Variants in PRKG1 observed in about 807,000 individuals in gnomAD.
PRKG1 encodes the protein protein kinase cGMP-dependent 1.
A neutral mutation model predicts 88.1 loss-of-function variants in PRKG1; 35 were observed. That is an observed-to-expected ratio of 0.40 (90% confidence interval 0.30 to 0.53). PRKG1 has a LOEUF of 0.53. PRKG1 is among the 20% of genes least tolerant of loss of function. The pLI is 0.59. For synonymous variants in PRKG1, 303 were observed against 292.5 expected (o/e 1.04, Z -0.37); for missense variants, 540 against 839.8 (o/e 0.64, Z 4.41).
intron 2 of PRKG1, among the ~76,000 whole-genome samples, chr10:51,387,302 T>G (rs1312791577): frequency 6.7e-6 from 1 of 149,374 alleles, no homozygotes; most frequent in East Asian, 1.9e-4. Flanking sequence ...GTTATATATT[T>G]TATATATATA....
chr10:51,610,503 C>CTA (rs1838879047), intron 3 of PRKG1, among the ~76,000 whole-genome samples: 1 of 152,058 alleles, frequency 6.6e-6, no homozygotes, highest in African/African-American at 2.4e-5. Flanking sequence ...ATTTCATTGT[C>CTA]TATATATATC....
intron 3 of PRKG1, among the ~76,000 whole-genome samples, chr10:51,474,153 C>T (rs61849779): frequency 0.18 from 27,986 of 151,818 alleles, 2,716 homozygotes; most frequent in Middle Eastern, 0.26. Flanking sequence ...TTGTTACCCC[C>T]ATTTTATTGC....
chr10:51,095,387 C>T (rs868350478), intron 1 of PRKG1, among the ~76,000 whole-genome samples: 2 of 152,070 alleles, frequency 1.3e-5, no homozygotes, highest in Admixed American at 6.6e-5. Flanking sequence ...AATACCTAAA[C>T]GCTGGTAATG....
Position 51,859,357 on chromosome 10 carries a change from T to C in PRKG1, c.699-48150T>C, listed in dbSNP as rs190894789. Among the ~76,000 whole-genome samples, 4 of 151,474 alleles carry C rather than the reference T, an allele frequency of 2.6e-5. No individual in the cohort carries two copies. The East Asian group carries it at 5.8e-4, about 22-fold the overall frequency. On this transcript the variant is annotated intron_variant, in intron 4 of 17. Coordinates refer to ENST00000373980, the MANE Select transcript of PRKG1 (RefSeq NM_006258.4). ...GCACCTTAAGCCTTTTTCTTTCTTT[T>C]TTTTTTTTTCTTCATGTGAAGAGAG...
At chr10:51,077,875 A>C (rs921692971) in intron 1 of PRKG1, among the ~76,000 whole-genome samples, 3 of 152,252 alleles carry the variant, frequency 2.0e-5, no homozygotes, top group Admixed American at 6.5e-5. Flanking sequence ...CTGAGCAAAT[A>C]AACCCTTAAA....
At chr10:51,156,534 G>A (rs1564620985) in intron 2 of PRKG1, among the ~76,000 whole-genome samples, 2 of 151,884 alleles carry the variant, frequency 1.3e-5, no homozygotes, top group Admixed American at 6.6e-5. Context: ...CAGAGTCACA[G>A]CTTTTGCAAT....
chr10:51,936,270 C>T (rs1842798354), intron 5 of PRKG1, among the ~76,000 whole-genome samples: 1 of 151,840 alleles, frequency 6.6e-6, no homozygotes, highest in Admixed American at 6.6e-5. Flanking sequence ...ATTATGAATC[C>T]TTAATTTTAT....
chr10:52,202,727 G>T (rs1490302209), intron 9 of PRKG1, among the ~76,000 whole-genome samples: 1 of 151,952 alleles, frequency 6.6e-6, no homozygotes, highest in Non-Finnish European at 1.5e-5. Flanking sequence ...CCTGTTTAGG[G>T]TTTCGGTATC....
chr10:52,127,879 A>AT (rs2132623975), intron 7 of PRKG1, among the ~76,000 whole-genome samples: 1 of 152,306 alleles, frequency 6.6e-6, no homozygotes, highest in South Asian at 2.1e-4. Flanking sequence ...GGAATTAGTG[A>AT]TTGACCTGAT....
chr10:51,602,725 AATAT>A (rs140820105), intron 3 of PRKG1, among the ~76,000 whole-genome samples: 3 of 59,862 alleles, frequency 5.0e-5, no homozygotes, highest in Admixed American at 2.0e-4. Context: ...GGCTTTGATT[AATAT>A]ATATGTGTGT....
intron 3 of PRKG1, among the ~76,000 whole-genome samples, chr10:51,525,082 T>C (rs1841842359): frequency 6.6e-6 from 1 of 150,804 alleles, no homozygotes; most frequent in African/African-American, 2.4e-5. Context: ...ATAAAGCACA[T>C]CACACAAAGG....
chr10:51,619,463 G>T (rs1484064031), intron 3 of PRKG1, among the ~76,000 whole-genome samples: 3 of 152,132 alleles, frequency 2.0e-5, no homozygotes, highest in Non-Finnish European at 4.4e-5. Flanking sequence ...TGTTTTGAAG[G>T]TTCTCTGCCA....
chr10:51,064,407 T>G (rs931899271), intron 1 of PRKG1, among the ~76,000 whole-genome samples: 13 of 152,100 alleles, frequency 8.5e-5, no homozygotes, highest in Non-Finnish European at 1.2e-4. Context: ...AATCAGAAAC[T>G]TAGATTTCTG....
chr10:51,589,476 T>C (rs1838254208), intron 3 of PRKG1, among the ~76,000 whole-genome samples: 1 of 151,990 alleles, frequency 6.6e-6, no homozygotes. Flanking sequence ...ATACAAAAAT[T>C]AGCTGGGTGT....
chr10:51,321,970 A>G (rs1053872182), intron 2 of PRKG1, among the ~76,000 whole-genome samples: 1 of 152,218 alleles, frequency 6.6e-6, no homozygotes, highest in Non-Finnish European at 1.5e-5. Flanking sequence ...CTTGCATCAC[A>G]TTAAATTCTG....
intron 3 of PRKG1, among the ~76,000 whole-genome samples, chr10:51,714,034 C>CAGTG (rs1841824966): frequency 6.6e-6 from 1 of 152,142 alleles, no homozygotes; most frequent in Admixed American, 6.5e-5. Context: ...GACTGGAGTG[C>CAGTG]AGTGGCATGA....
chr10:51,689,239 A>AATATCTATCTATCTAT (rs56858290), intron 3 of PRKG1, among the ~76,000 whole-genome samples: 6 of 150,220 alleles, frequency 4.0e-5, no homozygotes, highest in African/African-American at 1.5e-4. Flanking sequence ...AAATCTATCT[A>AATATCTATCTATCTAT]CTATCTATCT....
At chr10:52,182,585 T>G (rs1839067986) in intron 9 of PRKG1, among the ~76,000 whole-genome samples, 1 of 134,442 alleles carries the variant, frequency 7.4e-6, no homozygotes, top group Admixed American at 7.3e-5. Flanking sequence ...GTTTAAATCT[T>G]TAATCCATCT....
chr10:52,069,837 C>T (rs908336163), intron 7 of PRKG1, among the ~76,000 whole-genome samples: 1 of 151,736 alleles, frequency 6.6e-6, no homozygotes, highest in Non-Finnish European at 1.5e-5. Flanking sequence ...AAATATTATT[C>T]TGTTTCATTC....
Sources: allele counts gnomAD v4.1 joint callset (sites outside exome capture counted in the v4.1 genomes callset), GRCh38; gene constraint gnomAD v4.1.1; transcripts MANE v1.5; gene names NCBI Gene and HGNC (gene_info 2026-07-23, HGNC 2026-07-21).